Variants in TRIO observed in about 807,000 individuals in gnomAD.
TRIO encodes triple functional domain protein.
TRIO carries 58 observed loss-of-function variants against 351.9 expected under a neutral mutation model. The ratio of observed to expected loss-of-function variants is 0.16; its 90% confidence interval spans 0.13 to 0.21. The LOEUF is 0.21. TRIO is among the 10% of genes least tolerant of loss of function. The pLI is 1.00. For missense variants in TRIO, 3,201 were observed against 4,027.8 expected, an observed-to-expected ratio of 0.79 and a Z score of 5.56; for synonymous variants, 1,758 against 1,595.7, an observed-to-expected ratio of 1.10 and a Z score of -2.42.
chr5:14,374,095 T>A (rs1298655523), intron 18 of TRIO, 134 bp from the exon 19 acceptor site: 3 of 588,566 alleles, frequency 5.1e-6, no homozygotes, highest in Non-Finnish European at 8.9e-6. Context: ...TTTTATCCTA[T>A]GCATTTTCTA....
intron 1 of TRIO, among the ~76,000 whole-genome samples, chr5:14,266,102 G>A (rs761650870): frequency 2.9e-4 from 44 of 150,978 alleles, no homozygotes; most frequent in Middle Eastern, 6.8e-3. Flanking sequence ...TCGCTCTGCC[G>A]TCCAGGTAAG....
Position 14,381,688 on chromosome 5 carries a change from G to A in TRIO, c.3570+436G>A, listed in dbSNP as rs147220575. On this transcript the variant is annotated intron_variant, in intron 21 of 56. Transcript: ENST00000344204. ...TTAGATGGTGAAAACTGTTACAGTC[G>A]TGTTGCTCACGCTCAGTTTAGTCTG... is the stretch of plus-strand genomic sequence containing the variant. Among the ~76,000 whole-genome samples, 332 of 152,286 alleles carry A rather than the reference G, an allele frequency of 2.2e-3. 1 individual carries two copies. The highest frequency in any genetic ancestry group is 7.7e-3 in the African/African-American group (319 of 41,544).
intron 7 of TRIO, among the ~76,000 whole-genome samples, chr5:14,298,217 A>G (rs1344744172): frequency 6.6e-6 from 1 of 152,180 alleles, no homozygotes; most frequent in African/African-American, 2.4e-5. Context: ...TGGGTAATAT[A>G]TGCCCCCAAC....
intron 34 of TRIO, among the ~76,000 whole-genome samples, chr5:14,442,513 G>C (rs1209916521): frequency 2.0e-5 from 3 of 152,172 alleles, no homozygotes; most frequent in African/African-American, 7.2e-5. Context: ...CGTGAATGTT[G>C]CATGTGTGGT....
intron 26 of TRIO, chr5:14,390,611 C>T (rs1746986630): frequency 1.9e-6 from 1 of 530,694 alleles, no homozygotes; most frequent in Non-Finnish European, 3.3e-6. Flanking sequence ...GGGAGGCAGA[C>T]AGGTGAACGT....
At chr5:14,147,251 C>G (rs1049399175) in intron 1 of TRIO, among the ~76,000 whole-genome samples, 2 of 152,186 alleles carry the variant, frequency 1.3e-5, no homozygotes, top group African/African-American at 2.4e-5. Context: ...GACTTGCCCC[C>G]CAGAGTGGAA....
intron 1 of TRIO, among the ~76,000 whole-genome samples, chr5:14,221,273 T>A (rs1236995025): frequency 6.6e-6 from 1 of 152,174 alleles, no homozygotes; most frequent in Non-Finnish European, 1.5e-5. Flanking sequence ...ATACACCTAG[T>A]CACCCAAGAG....
At chr5:14,477,054 T>C (rs1755135142) in intron 41 of TRIO, 91 bp downstream of exon 41, 9 of 1,087,200 alleles carry the variant, frequency 8.3e-6, no homozygotes, top group South Asian at 2.9e-5. Flanking sequence ...ACTTATACTT[T>C]ATGTAAGTGC....
chr5:14,335,405 C>T (rs997057449), intron 10 of TRIO, among the ~76,000 whole-genome samples: 4 of 152,086 alleles, frequency 2.6e-5, no homozygotes, highest in African/African-American at 7.2e-5. Flanking sequence ...CCTGGGCCTT[C>T]TTAGAAGGCC....
chr5:14,206,826 T>C (rs983214875), intron 1 of TRIO, among the ~76,000 whole-genome samples: 2 of 152,256 alleles, frequency 1.3e-5, no homozygotes, highest in Non-Finnish European at 2.9e-5. Context: ...TTGGTGCATG[T>C]CCAGTTAGGC....
At position 14,208,432 on chromosome 5, in the gene TRIO, C is replaced by T. The variant is rs763603065; in HGVS notation, c.158-62393C>T. On this transcript the variant is annotated intron_variant, in intron 1 of 56. Transcript: ENST00000344204. Reference sequence around the variant, plus strand: ...CAAAATACGACATATTGCATGATGCCATTTCTATGAAATTTCCAGAAAAAG... The same window carrying T: ...CAAAATACGACATATTGCATGATGCTATTTCTATGAAATTTCCAGAAAAAG... Among the ~76,000 whole-genome samples the T allele has an allele frequency of 1.3e-4, 20 of 152,150 alleles. 1 individual carries two copies. Among genetic ancestry groups the T allele is most frequent in the Non-Finnish European group, 2.6e-4 (18 of 68,030 alleles).
At chr5:14,431,792 TAGA>T (rs1428431821) in intron 34 of TRIO, among the ~76,000 whole-genome samples, 6 of 152,212 alleles carry the variant, frequency 3.9e-5, no homozygotes, top group Non-Finnish European at 7.3e-5. Flanking sequence ...AGAAGAAGTC[TAGA>T]AGGAGTCAGC....
chr5:14,391,129 A>G, intron 27 of TRIO, 139 bp downstream of exon 27: 1 of 637,742 alleles, frequency 1.6e-6, no homozygotes, highest in Non-Finnish European at 2.6e-6. Flanking sequence ...TTTGTCTATC[A>G]TGTCTATTGG....
intron 48 of TRIO, chr5:14,490,781 T>C (rs1458742361): frequency 4.4e-6 from 2 of 455,902 alleles, no homozygotes; most frequent in Non-Finnish European, 8.8e-6. Flanking sequence ...ATTATGAGAT[T>C]GTAGCCTGGT....
In TRIO at chr5:14,403,471, TGTGGTGAGGGTGCAGGTG is replaced by T. The variant is rs1748355972; in HGVS notation, c.4717-2370_4717-2353del. Among the ~76,000 whole-genome samples, 14 of 29,766 alleles carry T rather than the reference TGTGGTGAGGGTGCAGGTG, an allele frequency of 4.7e-4. 1 individual carries two copies. The highest frequency in any genetic ancestry group is 5.2e-4 in the Non-Finnish European group (8 of 15,434). 19.5% of individuals were successfully genotyped at this position (29,766 alleles called of 152,430 possible). ...TGTAGGTTGTGGTGAGGGTGCAGGT[TGTGGTGAGGGTGCAGGTG>T]GTGGTGGTGAGGGTGTAGGTGGTGG... On this transcript the variant is annotated intron_variant, in intron 31 of 56. Transcript: ENST00000344204.
At chr5:14,305,078 C>T (rs889806506) in intron 8 of TRIO, among the ~76,000 whole-genome samples, 2 of 152,230 alleles carry the variant, frequency 1.3e-5, no homozygotes, top group African/African-American at 4.8e-5. Flanking sequence ...CTGCCACCTT[C>T]TATGCCAGAC....
At chr5:14,251,391 T>C (rs1368704830) in intron 1 of TRIO, among the ~76,000 whole-genome samples, 1 of 152,212 alleles carries the variant, frequency 6.6e-6, no homozygotes, top group Admixed American at 6.5e-5. Context: ...GCCTAACTCC[T>C]GTATAATTAA....
In TRIO at chr5:14,297,278, C is replaced by T. The variant is rs765049833; in HGVS notation, c.1368+15C>T. The T allele has an allele frequency of 6.8e-6, 11 of 1,610,070 alleles. No individual in the cohort carries two copies. Among genetic ancestry groups the T allele is most frequent in the East Asian group, 2.2e-5 (1 of 44,712 alleles). ...AGGCCGAAAAGGTCAGTGCCTTGAA[C>T]CCCCAGCCCACGAGGTGGTAACCAG... On this transcript the variant is annotated intron_variant, in intron 7 of 56. Transcript: ENST00000344204.
At chr5:14,156,058 C>T (rs927999404) in intron 1 of TRIO, among the ~76,000 whole-genome samples, 10 of 152,054 alleles carry the variant, frequency 6.6e-5, no homozygotes, top group African/African-American at 2.4e-4. Context: ...CTCAGAAATT[C>T]CTGTTTTATG....
Sources: allele counts gnomAD v4.1 joint callset (sites outside exome capture counted in the v4.1 genomes callset), GRCh38; gene constraint gnomAD v4.1.1; transcripts MANE v1.5; gene names NCBI Gene and HGNC (gene_info 2026-07-23, HGNC 2026-07-21).